The following TK1 variants were observed in gnomAD, a reference collection of about 807,000 sequenced individuals.
TK1 encodes the protein thymidine kinase, cytosolic.
TK1 carries 13 observed loss-of-function variants against 22.4 expected under a neutral mutation model. That is an observed-to-expected ratio of 0.58 (90% CI 0.38 to 0.92). The LOEUF (loss-of-function observed/expected upper bound fraction) is 0.92. TK1 is among the 40% of genes least tolerant of loss of function. TK1 has a pLI of 0.00. For synonymous variants in TK1, 134 were observed against 125.4 expected (o/e 1.07, Z -0.46); for missense variants, 251 against 315.7 (o/e 0.80, Z 1.55).
intron 3 of TK1, chr17:78,183,857 G>A (rs2075758038): frequency 6.6e-6 from 1 of 152,248 alleles, no homozygotes; most frequent in Non-Finnish European, 1.5e-5. Context: ...ACAAAGTGAG[G>A]GCAGGTGGGA....
chr17:78,177,173 G>A (rs562699984), intron 4 of TK1, among the ~76,000 whole-genome samples: 4 of 152,272 alleles, frequency 2.6e-5, no homozygotes, highest in South Asian at 2.1e-4. Context: ...GATCACAGAC[G>A]TGAGCCTCTG....
At chr17:78,184,027 C>T (rs2075760260) in intron 3 of TK1, among the ~76,000 whole-genome samples, 1 of 152,254 alleles carries the variant, frequency 6.6e-6, no homozygotes, top group Admixed American at 6.5e-5. Context: ...CTTCCAACAG[C>T]TGGAACGAAG....
chr17:78,176,947 C>T (rs1405332665), intron 4 of TK1, among the ~76,000 whole-genome samples: 1 of 152,210 alleles, frequency 6.6e-6, no homozygotes, highest in African/African-American at 2.4e-5. Context: ...AGTTGAGAAC[C>T]TTGCTCCTTC....
intron 4 of TK1, among the ~76,000 whole-genome samples, chr17:78,180,363 A>G (rs903025782): frequency 2.0e-5 from 3 of 152,236 alleles, no homozygotes; most frequent in Admixed American, 6.5e-5. Flanking sequence ...AAACCACCAC[A>G]TTGTGTACTT....
At chr17:78,184,860 C>T (rs974627677) in intron 3 of TK1, among the ~76,000 whole-genome samples, 195 bp downstream of exon 3, 2 of 152,116 alleles carry the variant, frequency 1.3e-5, no homozygotes, top group African/African-American at 4.8e-5. Context: ...GCAAAATCAC[C>T]CTCAGTGGAG....
chr17:78,186,691 AG>A, intron 2 of TK1, 95 bp downstream of exon 2: 2 of 804,364 alleles, frequency 2.5e-6, no homozygotes, highest in Non-Finnish European at 1.7e-6. Flanking sequence ...AGGGAAGGGG[AG>A]GGGAGGGGAG....
At chr17:78,186,865 C>G in intron 1 of TK1, 47 bp from the exon 2 acceptor site, 1 of 1,569,434 alleles carries the variant, frequency 6.4e-7, no homozygotes. Flanking sequence ...TGCGCGGATG[C>G]CTGGACACAG....
intron 4 of TK1, among the ~76,000 whole-genome samples, chr17:78,175,862 G>A (rs959013037): frequency 6.6e-6 from 1 of 152,166 alleles, no homozygotes; most frequent in South Asian, 2.1e-4. Flanking sequence ...TCCGAGTCCA[G>A]GTACCCAGGA....
rs9896067 is a variant in TK1, at chr17:78,176,430, T to C, written c.304-812A>G. On this transcript the variant is annotated intron_variant, in intron 4 of 6. Coordinates refer to ENST00000301634, the MANE Select transcript of TK1 (RefSeq NM_003258.5). ...CTCTCCCAGGGCCACTCAGGCTTTC[T>C]CAGCCCAGGTACTGAGGTTTGAGGT... Among the ~76,000 whole-genome samples, 588 of 152,194 alleles carry C rather than the reference T, an allele frequency of 3.9e-3. 5 individuals are homozygous for C. Among genetic ancestry groups the C allele is most frequent in the African/African-American group, 0.013 (552 of 41,528 alleles).
chr17:78,181,854 G>A (rs2075740258), intron 4 of TK1, among the ~76,000 whole-genome samples: 1 of 151,684 alleles, frequency 6.6e-6, no homozygotes, highest in Non-Finnish European at 1.5e-5. Flanking sequence ...GACCTCCCAG[G>A]CTCCATCCTT....
intron 4 of TK1, among the ~76,000 whole-genome samples, chr17:78,182,346 G>A (rs1362843561): frequency 6.7e-6 from 1 of 149,606 alleles, no homozygotes; most frequent in Non-Finnish European, 1.5e-5. Flanking sequence ...ACTCCGGCCT[G>A]GGCAACAAGA....
rs749042033 is a variant in TK1, at chr17:78,185,181, G to C, written c.99-16C>G. 7.5e-6 allele frequency: 12 copies of C among 1,609,528 alleles called. No homozygotes were observed. The highest frequency in any genetic ancestry group is 1.0e-5 in the Non-Finnish European group (12 of 1,176,568). On this transcript the variant is annotated splice_polypyrimidine_tract_variant and intron_variant, in intron 2 of 6. Transcript: ENST00000301634. ...CAACTCTGTGCTGCAAGAGGAGAGAGGGTCAGGTGAGGTCCACGGCGGGAG... is the reference window on the plus strand; with the variant it reads ...CAACTCTGTGCTGCAAGAGGAGAGACGGTCAGGTGAGGTCCACGGCGGGAG...
chr17:78,186,856 G>C (rs372322908), intron 1 of TK1, 38 bp from the exon 2 acceptor site: 20 of 1,572,106 alleles, frequency 1.3e-5, no homozygotes, highest in East Asian at 1.2e-4. Flanking sequence ...GGCCCGCCCT[G>C]CGCGGATGCC....
intron 3 of TK1, among the ~76,000 whole-genome samples, chr17:78,184,077 C>T (rs2075760773): frequency 6.6e-6 from 1 of 152,272 alleles, no homozygotes; most frequent in Admixed American, 6.5e-5. Flanking sequence ...AGGTGTAACA[C>T]CACCCTGTGC....
At position 78,179,067 on chromosome 17, in the gene TK1, G is replaced by A. The variant is rs1042888389; in HGVS notation, c.304-3449C>T. On this transcript the variant is annotated intron_variant, in intron 4 of 6. Transcript: ENST00000301634. ...TCCTGACTCAGGGCATTTGGATGTC[G>A]AGGAAGGAGAAGGGAAAGGTTTCTG... The A allele has an allele frequency of 2.4e-5, 18 of 744,304 alleles. No individual in the cohort carries two copies. In the African/African-American group the frequency reaches 3.2e-4, roughly 13 times the overall value. 46.1% of individuals were successfully genotyped at this position (744,304 alleles called of 1,614,324 possible).
rs1393509067 is a variant in TK1 at position 78,186,951 on chromosome 17, C to T, written c.44G>A (p.Ser15Asn). ...NLPTVLPGSP[S>N]KTRGQIQVIL... The stretch of plus-strand genomic sequence containing the variant: ...CACCTGGATCTGCCCCCGGGTCTTG[C>T]TGGGGGAGCCAGGCAGCACAGTGGG... The change falls in exon 1 of 7, where the codon AGC becomes AAC. Residue 15 changes from serine (S) to asparagine (N), a missense_variant. Ser to Asn is a conservative substitution (Grantham distance 46). Coordinates refer to ENST00000301634, the MANE Select transcript of TK1 (RefSeq NM_003258.5). The T allele has an allele frequency of 1.3e-6, 2 of 1,573,630 alleles. No individual in the cohort carries two copies. Among genetic ancestry groups the T allele is most frequent in the African/African-American group, 2.7e-5 (2 of 73,784 alleles).
At position 78,177,572 on chromosome 17, in the gene TK1, T is replaced by C. The variant is rs2075709453; in HGVS notation, c.304-1954A>G. Among the ~76,000 whole-genome samples the C allele has an allele frequency of 2.8e-5, 4 of 142,536 alleles. No homozygotes were observed. The South Asian group carries it at 9.9e-4, about 35-fold the overall frequency. The allele number at this position is 142,536 out of a possible 152,430, so 93.5% of individuals were successfully genotyped here. A position where few individuals can be genotyped will look rare whatever the true frequency, so the allele number is the denominator to read the frequency against. On this transcript the variant is annotated intron_variant, in intron 4 of 6. Transcript: ENST00000301634. ...TAGTAGAACAGAAAACACAAAAAGG[T>C]CTATTTTTTTTTTTTTTTTGAGACG...
chr17:78,177,047 C>T (rs2145822844), intron 4 of TK1, among the ~76,000 whole-genome samples: 1 of 152,308 alleles, frequency 6.6e-6, no homozygotes, highest in East Asian at 1.9e-4. Context: ...CACTCCACCT[C>T]TTGACCAACC....
chr17:78,176,599 C>T (rs750789969), intron 4 of TK1, among the ~76,000 whole-genome samples: 7 of 152,104 alleles, frequency 4.6e-5, no homozygotes, highest in East Asian at 3.9e-4. Context: ...GACTCCAGCA[C>T]GCCAGGGCCC....
Sources: gnomAD v4.1 joint callset for allele counts (sites outside exome capture counted in the v4.1 genomes callset) on GRCh38, gnomAD v4.1.1 for gene constraint, MANE v1.5 for transcripts, NCBI Gene and HGNC (gene_info 2026-07-23, HGNC 2026-07-21) for gene names.